Variants in LCLAT1 observed in about 807,000 individuals in gnomAD.
LCLAT1 encodes lysocardiolipin acyltransferase 1.
In LCLAT1, 11 loss-of-function variants were observed where a neutral mutation model predicts 30.7. That is an observed-to-expected ratio of 0.36 (90% CI 0.23 to 0.59). The LOEUF (loss-of-function observed/expected upper bound fraction) is 0.59. Ranked by LOEUF, LCLAT1 falls within the 20% of genes least tolerant of loss-of-function variation. The probability of loss-of-function intolerance (pLI) is 0.77; values close to 1 mark genes in which losing one functional copy is unlikely to be tolerated. For missense variants in LCLAT1, 402 were observed against 458.6 expected, an observed-to-expected ratio of 0.88 and a Z score of 1.13; for synonymous variants, 155 against 151.3, an observed-to-expected ratio of 1.02 and a Z score of -0.18.
chr2:30,468,502 T>C (rs1572485188), intron 1 of LCLAT1, among the ~76,000 whole-genome samples: 1 of 148,932 alleles, frequency 6.7e-6, no homozygotes, highest in African/African-American at 2.5e-5. Context: ...GGAAAAAAAA[T>C]AGCCATTTGA....
intron 4 of LCLAT1, 41 bp from the exon 5 acceptor site, chr2:30,568,019 C>T: frequency 1.2e-5 from 12 of 1,020,170 alleles, no homozygotes; most frequent in South Asian, 4.5e-5. Context: ...TGTTTATTTC[C>T]CTTTAGTTTA....
intron 5 of LCLAT1, among the ~76,000 whole-genome samples, chr2:30,582,663 T>C (rs1335315466): frequency 6.6e-6 from 1 of 152,198 alleles, no homozygotes; most frequent in African/African-American, 2.4e-5. Flanking sequence ...CCTTTTAAAT[T>C]TTATTTTAGT....
chr2:30,573,432 A>G (rs555065728), intron 5 of LCLAT1, among the ~76,000 whole-genome samples: 1 of 152,184 alleles, frequency 6.6e-6, no homozygotes, highest in Non-Finnish European at 1.5e-5. Context: ...GTATCCAGGT[A>G]CTGGAGTAAG....
At chr2:30,449,413 A>G (rs1681431212) in intron 1 of LCLAT1, among the ~76,000 whole-genome samples, 1 of 152,114 alleles carries the variant, frequency 6.6e-6, no homozygotes, top group Non-Finnish European at 1.5e-5. Context: ...GGTAACAATT[A>G]CATTTACTTT....
chr2:30,527,383 A>G (rs1685769560), intron 2 of LCLAT1, among the ~76,000 whole-genome samples: 1 of 152,208 alleles, frequency 6.6e-6, no homozygotes, highest in Admixed American at 6.5e-5. Flanking sequence ...ACTGTACTCC[A>G]TTTTCTAAAT....
intron 5 of LCLAT1, among the ~76,000 whole-genome samples, chr2:30,609,728 C>G (rs1017802694): frequency 3.0e-4 from 46 of 152,126 alleles, no homozygotes; most frequent in African/African-American, 1.1e-3. Context: ...AGTGTTCATT[C>G]TCTACTACAC....
chr2:30,469,572 TTC>T, intron 1 of LCLAT1, among the ~76,000 whole-genome samples: 1 of 142,880 alleles, frequency 7.0e-6, no homozygotes, highest in African/African-American at 2.8e-5. Flanking sequence ...TACAGGTCTC[TTC>T]TTTTTTTTTT....
intron 2 of LCLAT1, among the ~76,000 whole-genome samples, chr2:30,529,038 T>A (rs1219469740): frequency 6.6e-6 from 1 of 152,194 alleles, no homozygotes; most frequent in Non-Finnish European, 1.5e-5. Context: ...AAATATATTC[T>A]TTTTAAATTC....
intron 1 of LCLAT1, among the ~76,000 whole-genome samples, chr2:30,453,338 A>G (rs2148257426): frequency 6.6e-6 from 1 of 152,148 alleles, no homozygotes; most frequent in South Asian, 2.1e-4. Context: ...GACTGAGGGG[A>G]TTGTTTTTAA....
At chr2:30,452,144 G>C (rs1681582377) in intron 1 of LCLAT1, among the ~76,000 whole-genome samples, 1 of 152,110 alleles carries the variant, frequency 6.6e-6, no homozygotes, top group Non-Finnish European at 1.5e-5. Flanking sequence ...TGAGATGTGT[G>C]GTGGTTACAT....
intron 1 of LCLAT1, among the ~76,000 whole-genome samples, chr2:30,478,299 A>G (rs1426468220): frequency 6.6e-6 from 1 of 152,174 alleles, no homozygotes; most frequent in Non-Finnish European, 1.5e-5. Flanking sequence ...AAACCTGATC[A>G]CTTTTTATAA....
At chr2:30,633,977 T>C (rs922152842) in intron 5 of LCLAT1, among the ~76,000 whole-genome samples, 2 of 151,874 alleles carry the variant, frequency 1.3e-5, no homozygotes, top group Non-Finnish European at 2.9e-5. Context: ...CTGGGACTCT[T>C]ATAATAGTCG....
intron 1 of LCLAT1, among the ~76,000 whole-genome samples, chr2:30,462,392 T>C (rs992259703): frequency 2.6e-5 from 4 of 152,216 alleles, no homozygotes; most frequent in Non-Finnish European, 5.9e-5. Context: ...GGTGATAAGA[T>C]GCTTCTAGAG....
chr2:30,598,635 T>C (rs1572677391), intron 5 of LCLAT1, among the ~76,000 whole-genome samples: 1 of 152,292 alleles, frequency 6.6e-6, no homozygotes, highest in Admixed American at 6.5e-5. Context: ...TGAAGTGTTT[T>C]TCATATCTCT....
chr2:30,609,848 A>G (rs964048284), intron 5 of LCLAT1, among the ~76,000 whole-genome samples: 7 of 152,130 alleles, frequency 4.6e-5, no homozygotes, highest in African/African-American at 1.7e-4. Flanking sequence ...TAAACTTCTA[A>G]AAGGCAAGGA....
intron 2 of LCLAT1, among the ~76,000 whole-genome samples, chr2:30,529,239 A>G (rs1158656931): frequency 6.6e-6 from 1 of 152,210 alleles, no homozygotes; most frequent in Non-Finnish European, 1.5e-5. Flanking sequence ...GTGGATTAAA[A>G]TGATTTTGTT....
chr2:30,537,357 C>T (rs935939015), intron 3 of LCLAT1, among the ~76,000 whole-genome samples: 22 of 148,904 alleles, frequency 1.5e-4, no homozygotes, highest in Non-Finnish European at 2.8e-4. Context: ...GTCCGCAGTC[C>T]GGCCTGGGCG....
chr2:30,454,224 C>T (rs1681709894), intron 1 of LCLAT1, among the ~76,000 whole-genome samples: 1 of 152,000 alleles, frequency 6.6e-6, no homozygotes, highest in African/African-American at 2.4e-5. Context: ...TCCTTTTTGC[C>T]TTTTCCCCTT....
At position 30,641,589 on chromosome 2, in the gene LCLAT1, T is replaced by G. The variant is rs1669307888; in HGVS notation, c.*970T>G. 1 of 152,252 alleles carries G rather than the reference T, an allele frequency of 6.6e-6. No homozygotes were observed. The highest frequency in any genetic ancestry group is 1.5e-5 in the Non-Finnish European group (1 of 68,042). The allele number at this position is 152,252 out of a possible 1,614,324, so 9.4% of individuals were successfully genotyped here. A position where few individuals can be genotyped will look rare whatever the true frequency, so the allele number is the denominator to read the frequency against. The stretch of plus-strand genomic sequence containing the variant: ...TCTACCATTAAAACAACAAATGGCT[T>G]GCAGACAGGGCAGTAATGGTTTATC... On this transcript the variant is annotated 3_prime_UTR_variant, in exon 6 of 6. Transcript: ENST00000379509.
Sources: gnomAD v4.1 joint callset for allele counts (sites outside exome capture counted in the v4.1 genomes callset) on GRCh38, gnomAD v4.1.1 for gene constraint, MANE v1.5 for transcripts, NCBI Gene and HGNC (gene_info 2026-07-23, HGNC 2026-07-21) for gene names.